ADGRG5: variants seen among roughly 807,000 people sequenced by gnomAD.
The protein encoded by ADGRG5 is G protein-coupled receptor 114.
Under a neutral mutation model 53.2 loss-of-function variants are expected in ADGRG5, and 37 were observed. The observed-to-expected ratio is 0.70, with a 90% CI of 0.53 to 0.91. The LOEUF is 0.91. ADGRG5 is among the 40% of genes least tolerant of loss of function. The pLI, the probability that ADGRG5 is intolerant of heterozygous loss-of-function variation, is 0.00. For synonymous variants in ADGRG5, 277 were observed against 290.4 expected, an observed-to-expected ratio of 0.95 and a Z score of 0.47; for missense variants, 614 against 675.8, an observed-to-expected ratio of 0.91 and a Z score of 1.01.
the ADGRG5 span, among the ~76,000 whole-genome samples, chr16:57,531,292 G>T: frequency 6.6e-6 from 1 of 151,604 alleles, no homozygotes; most frequent in Non-Finnish European, 1.5e-5. Flanking sequence ...ACTCCTTCCA[G>T]AGAAGGCACT....
the ADGRG5 span, among the ~76,000 whole-genome samples, chr16:57,532,781 A>G: frequency 6.6e-6 from 1 of 152,170 alleles, no homozygotes; most frequent in African/African-American, 2.4e-5. Flanking sequence ...AGCTCCACAT[A>G]GAGAAGCTCT....
Position 57,574,765 on chromosome 16 carries a change from C to T in ADGRG5, c.1209-50C>T, listed in dbSNP as rs2033463937. 1 of 1,519,442 alleles carries T rather than the reference C, an allele frequency of 6.6e-7. No homozygotes were observed. The highest frequency in any genetic ancestry group is 8.8e-7 in the Non-Finnish European group (1 of 1,134,924). 94.1% of individuals were successfully genotyped at this position (1,519,442 alleles called of 1,614,324 possible). On this transcript the variant is annotated intron_variant, in intron 10 of 11. Transcript: ENST00000349457. The surrounding 1 kb of genome is among the most constrained non-coding windows in gnomAD (Gnocchi z 4.4). ...GCTTCAGGGAGTGATGCTGGCCTCC[C>T]CGCGGGCCTGGGAGCCACTGTGAGC...
chr16:57,539,924 CTG>C (rs1332361210), upstream of ADGRG5, among the ~76,000 whole-genome samples: 3 of 151,996 alleles, frequency 2.0e-5, no homozygotes, highest in Admixed American at 1.3e-4. Context: ...GGGACATAGT[CTG>C]TGTTAGAGAG....
chr16:57,575,077 T>G lies in ADGRG5; in HGVS notation c.1471T>G (p.Leu491Val), dbSNP rs1419257822. The G allele has an allele frequency of 6.2e-7, 1 of 1,613,030 alleles. No homozygotes were observed. The highest frequency in any genetic ancestry group is 1.3e-5 in the African/African-American group (1 of 74,892). Residue 491 changes from leucine (L) to valine (V), a missense_variant, in exon 11 of 12, where the codon TTA becomes GTA. Physicochemically the swap from Leu to Val is conservative, Grantham distance 32 (BLOSUM62 1). Coordinates refer to ENST00000349457, the MANE Select transcript of ADGRG5 (RefSeq NM_001304376.3). ...LLPQLFLFTI[L>V]NSLYGFFLFL... ...GCCCCAGCTGTTCCTCTTCACCATCTTAAACTCGCTCTACGGTAGGGCTGG... is the reference window on the plus strand; with the variant it reads ...GCCCCAGCTGTTCCTCTTCACCATCGTAAACTCGCTCTACGGTAGGGCTGG...
Position 57,566,755 on chromosome 16 carries a change from T to C in ADGRG5, c.699+4T>C, listed in dbSNP as rs2033144055. The C allele has an allele frequency of 6.6e-7, 1 of 1,509,520 alleles. No individual in the cohort carries two copies. Among genetic ancestry groups the C allele is most frequent in the African/African-American group, 1.4e-5 (1 of 71,182 alleles). The allele number at this position is 1,509,520 out of a possible 1,614,324, so 93.5% of individuals were successfully genotyped here. A position where few individuals can be genotyped will look rare whatever the true frequency, so the allele number is the denominator to read the frequency against. On this transcript the variant is annotated splice_donor_region_variant and intron_variant, in intron 7 of 11. Transcript: ENST00000349457. ...CACCTACTTTGCTGTTCTCATGGTA[T>C]GTATGCATCCTGAGTGGGGCTCAGA...
chr16:57,569,494 ACCT>A (rs1270600095), intron 9 of ADGRG5, among the ~76,000 whole-genome samples: 5 of 150,506 alleles, frequency 3.3e-5, no homozygotes, highest in Non-Finnish European at 7.4e-5. Flanking sequence ...CACCATCATC[ACCT>A]CCTCCACCTC....
the ADGRG5 span, among the ~76,000 whole-genome samples, chr16:57,536,042 C>T: frequency 6.6e-6 from 1 of 152,138 alleles, no homozygotes; most frequent in Non-Finnish European, 1.5e-5. Flanking sequence ...TCCCGGCCCG[C>T]GCCGCGCGGT....
At chr16:57,550,555 T>A (rs2032722724) in intron 1 of ADGRG5, among the ~76,000 whole-genome samples, 1 of 152,162 alleles carries the variant, frequency 6.6e-6, no homozygotes, top group Non-Finnish European at 1.5e-5. Context: ...ACGTTTTTGG[T>A]GTTGTTTCTA....
At position 57,574,842 on chromosome 16, in the gene ADGRG5, C is replaced by T. The variant is rs375083351; in HGVS notation, c.1236C>T (p.His412=). 1 of 1,602,408 alleles carries T rather than the reference C, an allele frequency of 6.2e-7. No homozygotes were observed. Among genetic ancestry groups the T allele is most frequent in the East Asian group, 2.2e-5 (1 of 44,632 alleles). ...GCTGGGTGCGGAGCCCCGTGGTGCA[C>T]AGTGTCCTGGTCATGGGCTACGGCG... ...SICWVRSPVV[H]SVLVMGYGGL... Residue 412 remains histidine (H), a synonymous_variant, in exon 11 of 12, where the codon CAC becomes CAT. Coordinates refer to ENST00000349457, the MANE Select transcript of ADGRG5 (RefSeq NM_001304376.3). This position sits in a 1 kb window ranked among gnomAD's most constrained non-coding sequence, Gnocchi z 4.4.
chr16:57,540,191 C>T (rs1391241888), upstream of ADGRG5, among the ~76,000 whole-genome samples: 3 of 151,978 alleles, frequency 2.0e-5, no homozygotes, highest in African/African-American at 2.4e-5. Flanking sequence ...TGCAGTGAGC[C>T]GAGATTGCGC....
intron 1 of ADGRG5, among the ~76,000 whole-genome samples, chr16:57,553,553 G>T (rs1415772808): frequency 1.3e-5 from 2 of 152,140 alleles, no homozygotes; most frequent in Non-Finnish European, 2.9e-5. Flanking sequence ...CTGTCCTTAT[G>T]CCAGTAACAC....
chr16:57,564,717 T>G lies in ADGRG5; in HGVS notation c.430-317T>G, dbSNP rs149240307. On this transcript the variant is annotated intron_variant, in intron 5 of 11. Coordinates refer to ENST00000349457, the MANE Select transcript of ADGRG5 (RefSeq NM_001304376.3). ...CCAGTGGGCAGTCCAGGGGAGTTTC[T>G]GGGGAAGGTGCCTTTCAACCTTGGC... 8.5e-4 allele frequency among the ~76,000 whole-genome samples: 129 copies of G among 152,194 alleles called. 1 individual carries two copies. In the East Asian group the frequency reaches 0.024, roughly 29 times the overall value.
At chr16:57,572,565 G>T (rs1196622001) in intron 10 of ADGRG5, among the ~76,000 whole-genome samples, 1 of 152,074 alleles carries the variant, frequency 6.6e-6, no homozygotes, top group South Asian at 2.1e-4. Flanking sequence ...GGTAGCGGGT[G>T]CCTGTAATCC....
intron 11 of ADGRG5, 127 bp downstream of exon 11, chr16:57,575,219 C>A: frequency 8.9e-7 from 1 of 1,124,482 alleles, no homozygotes; most frequent in South Asian, 1.5e-5. Context: ...CACAGCTCCA[C>A]TAGCTAAGCT....
upstream of ADGRG5, among the ~76,000 whole-genome samples, chr16:57,537,791 G>A (rs1372571684): frequency 6.6e-6 from 1 of 152,104 alleles, no homozygotes; most frequent in Non-Finnish European, 1.5e-5. Context: ...AGTTTCACTT[G>A]TCGATTCATT....
At chr16:57,546,332 C>T (rs2032619774) in intron 1 of ADGRG5, among the ~76,000 whole-genome samples, 1 of 152,142 alleles carries the variant, frequency 6.6e-6, no homozygotes, top group Non-Finnish European at 1.5e-5. Flanking sequence ...TGCTATGTTG[C>T]TTAGGCTGGT....
intron 1 of ADGRG5, among the ~76,000 whole-genome samples, chr16:57,558,836 CTTT>C (rs199859259): frequency 3.0e-5 from 4 of 133,114 alleles, no homozygotes; most frequent in Non-Finnish European, 6.5e-5. Flanking sequence ...TGTCCAGTGG[CTTT>C]TTTTTTTTTT....
At chr16:57,540,040 C>A (rs1264330228), upstream of ADGRG5, among the ~76,000 whole-genome samples, 3 of 151,976 alleles carry the variant, frequency 2.0e-5, no homozygotes, top group African/African-American at 7.3e-5. Context: ...GTCAAGAGAT[C>A]GAGACCATCC....
At chr16:57,565,536 G>A in intron 6 of ADGRG5, 1 of 331,876 alleles carries the variant, frequency 3.0e-6, no homozygotes, top group East Asian at 4.7e-5. Flanking sequence ...TGGCATGATG[G>A]ATGCTGGAGA....
Sources: gnomAD v4.1 joint callset for allele counts (sites outside exome capture counted in the v4.1 genomes callset) on GRCh38, gnomAD v4.1.1 for gene constraint, Gnocchi (gnomAD v3.1) non-coding constraint, MANE v1.5 for transcripts, NCBI Gene and HGNC (gene_info 2026-07-23, HGNC 2026-07-21) for gene names.